The following ATXN7 variants were observed in gnomAD, a reference collection of about 807,000 sequenced individuals.
ATXN7 encodes the protein ataxin 7, also known as ataxin-7.
In ATXN7, 12 loss-of-function variants were observed where a neutral mutation model predicts 70.5. The observed-to-expected ratio is 0.17, with a 90% CI of 0.11 to 0.28. The LOEUF (loss-of-function observed/expected upper bound fraction) is 0.28, where lower values mean the gene tolerates loss of function less well. ATXN7 is among the 10% of genes least tolerant of loss of function. The pLI, the probability that ATXN7 is intolerant of heterozygous loss-of-function variation, is 1.00. For missense variants in ATXN7, 1,256 were observed against 1,131.7 expected (o/e 1.11, Z -1.58); for synonymous variants, 498 against 448.7 (o/e 1.11, Z -1.39).
rs768170259 is a variant in ATXN7 at position 63,996,312 on chromosome 3, C to G, written c.2490C>G (p.Asp830Glu). The part of the protein sequence containing the change: ...GSFSHSHTPL[D>E]KLIGKKRKCS... Reference sequence around the variant, plus strand: ...TTTCCCACTCACACACTCCTCTAGACAAACTCATAGGAAAGAAAAGAAAGT... The same window carrying G: ...TTTCCCACTCACACACTCCTCTAGAGAAACTCATAGGAAAGAAAAGAAAGT... Residue 830 changes from aspartate to glutamate, a missense_variant, in exon 12 of 13, where the codon GAC becomes GAG. Coordinates refer to ENST00000674280, the MANE Select transcript of ATXN7 (RefSeq NM_001377405.1). The G allele has an allele frequency of 3.7e-6, 6 of 1,614,044 alleles. No individual in the cohort carries two copies. The highest frequency in any genetic ancestry group is 5.1e-6 in the Non-Finnish European group (6 of 1,180,054).
intron 1 of ATXN7, among the ~76,000 whole-genome samples, chr3:63,894,580 A>G (rs760678902): frequency 2.6e-5 from 4 of 152,170 alleles, no homozygotes; most frequent in Non-Finnish European, 5.9e-5. Context: ...GCTGGAGTAC[A>G]GTTGCATGAT....
chr3:63,940,229 G>A (rs553838125), intron 4 of ATXN7, among the ~76,000 whole-genome samples: 1 of 151,732 alleles, frequency 6.6e-6, no homozygotes, highest in Admixed American at 6.6e-5. Flanking sequence ...CAAGCAGGAA[G>A]TGAAGGCTAA....
At chr3:63,879,552 C>T (rs943667848) in intron 1 of ATXN7, among the ~76,000 whole-genome samples, 2 of 148,830 alleles carry the variant, frequency 1.3e-5, no homozygotes, top group Non-Finnish European at 1.5e-5. Flanking sequence ...AGTACAGTGG[C>T]GCGATCTCGG....
intron 1 of ATXN7, chr3:63,878,370 G>T (rs1702805938): frequency 6.6e-6 from 1 of 152,166 alleles, no homozygotes; most frequent in Non-Finnish European, 1.5e-5. Flanking sequence ...GTAAGCGTTG[G>T]CCCCTCCATT....
At chr3:63,943,454 G>A (rs189523708) in intron 4 of ATXN7, among the ~76,000 whole-genome samples, 8 of 152,196 alleles carry the variant, frequency 5.3e-5, no homozygotes, top group East Asian at 1.9e-4. Flanking sequence ...TGGTAAGCAC[G>A]GCCAGCTCAG....
rs1202564188 is a variant in ATXN7, at chr3:63,912,607, G to A, written c.9G>A (p.Glu3=). Residue 3 remains glutamate (E), a synonymous_variant, in exon 3 of 13, where the codon GAG becomes GAA. Transcript: ENST00000674280. ...TTGTAGGAGCGGAAAGAATGTCGGA[G>A]CGGGCCGCGGATGACGTCAGGGGGG... MS[E]RAADDVRGEP... The A allele has an allele frequency of 9.1e-7, 1 of 1,099,526 alleles. No individual in the cohort carries two copies. The allele number at this position is 1,099,526 out of a possible 1,614,324, so 68.1% of individuals were successfully genotyped here.
intron 4 of ATXN7, among the ~76,000 whole-genome samples, chr3:63,943,044 A>G (rs2107367437): frequency 6.6e-6 from 1 of 152,322 alleles, no homozygotes; most frequent in East Asian, 1.9e-4. Flanking sequence ...TGAAGGAGAT[A>G]GCCACAACAC....
chr3:63,899,832 T>G (rs1302846396), intron 2 of ATXN7, among the ~76,000 whole-genome samples: 1 of 152,056 alleles, frequency 6.6e-6, no homozygotes, highest in East Asian at 1.9e-4. Context: ...TTAGCCAAGA[T>G]GGTCTCGATC....
chr3:63,929,123 A>G (rs1017071493), intron 4 of ATXN7, among the ~76,000 whole-genome samples: 1 of 152,218 alleles, frequency 6.6e-6, no homozygotes, highest in Admixed American at 6.5e-5. Flanking sequence ...GAAATTAAAC[A>G]TAAAAGGGAA....
intron 4 of ATXN7, among the ~76,000 whole-genome samples, chr3:63,936,356 C>T (rs1290858250): frequency 6.6e-6 from 1 of 152,134 alleles, no homozygotes; most frequent in African/African-American, 2.4e-5. Context: ...CTGTGTAGGA[C>T]TTAACTGGTT....
chr3:63,945,383 A>C (rs1454410414), intron 4 of ATXN7, among the ~76,000 whole-genome samples: 1 of 152,222 alleles, frequency 6.6e-6, no homozygotes, highest in African/African-American at 2.4e-5. Context: ...TGCAGATTTG[A>C]GAATCAGACA....
intron 2 of ATXN7, chr3:63,911,459 G>C (rs1704010468): frequency 6.6e-6 from 1 of 152,084 alleles, no homozygotes; most frequent in East Asian, 1.9e-4. Context: ...CTAATCCCTA[G>C]GGTCTCGTCC....
chr3:63,997,547 C>T (rs532655923), intron 12 of ATXN7: 1 of 1,294,010 alleles, frequency 7.7e-7, no homozygotes, highest in Non-Finnish European at 1.1e-6. Context: ...ACTGACCTCA[C>T]CTGTAGCTGT....
rs1185623017 is a variant in ATXN7 at position 63,979,003 on chromosome 3, AAATT to A, written c.500-901_500-898del. ...TAGAGTTAAGCAAATGTGTAATTTT[AAATT>A]AATTAATTAAAGGCAGCCACTAAGG... On this transcript the variant is annotated intron_variant, in intron 5 of 12. Coordinates refer to ENST00000674280, the MANE Select transcript of ATXN7 (RefSeq NM_001377405.1). Among the ~76,000 whole-genome samples the A allele has an allele frequency of 7.9e-5, 12 of 152,214 alleles. No homozygotes were observed. In the East Asian group the frequency reaches 1.9e-3, roughly 24 times the overall value.
At chr3:63,919,556 C>T (rs1334874083) in intron 4 of ATXN7, among the ~76,000 whole-genome samples, 1 of 152,064 alleles carries the variant, frequency 6.6e-6, no homozygotes, top group Non-Finnish European at 1.5e-5. Flanking sequence ...AATGGTTTCA[C>T]ATAAGAAGGT....
intron 9 of ATXN7, among the ~76,000 whole-genome samples, chr3:63,989,696 C>A (rs1208707161): frequency 6.6e-6 from 1 of 151,968 alleles, no homozygotes; most frequent in Non-Finnish European, 1.5e-5. Context: ...AAATACTACA[C>A]CATTTTATAT....
At chr3:63,924,106 G>A (rs1704611080) in intron 4 of ATXN7, among the ~76,000 whole-genome samples, 1 of 152,174 alleles carries the variant, frequency 6.6e-6, no homozygotes, top group African/African-American at 2.4e-5. Context: ...TCCTGTTCAG[G>A]ATACGTTTGG....
chr3:63,991,951 A>G (rs2106791579), intron 11 of ATXN7, among the ~76,000 whole-genome samples: 1 of 152,142 alleles, frequency 6.6e-6, no homozygotes, highest in South Asian at 2.1e-4. Flanking sequence ...AGCTCTTTTC[A>G]CCTCGGAACC....
Position 63,988,064 on chromosome 3 carries a change from T to C in ATXN7, c.1101T>C (p.His367=), listed in dbSNP as rs72876990. 1.9e-3 allele frequency: 3,047 copies of C among 1,613,964 alleles called. 59 individuals carry two copies. In the African/African-American group the frequency reaches 0.037, roughly 20 times the overall value. The change falls in exon 9 of 13, where the codon CAT becomes CAC. Residue 367 remains histidine, a synonymous_variant. Coordinates refer to ENST00000674280, the MANE Select transcript of ATXN7 (RefSeq NM_001377405.1). ...PCTRSLTCKT[H]SLTQRRAVQG... is the part of the protein sequence containing the mutation. ...TGTATTTTTTTGGTCCACAGACACA[T>C]TCCTTAACCCAGCGCAGGGCTGTCC...
Sources: allele counts gnomAD v4.1 joint callset (sites outside exome capture counted in the v4.1 genomes callset), GRCh38; gene constraint gnomAD v4.1.1; transcripts MANE v1.5; gene names NCBI Gene and HGNC (gene_info 2026-07-23, HGNC 2026-07-21).